CUX1: variants seen among roughly 807,000 people sequenced by gnomAD.
CUX1 encodes the protein cut like homeobox 1, also known as protein CASP.
In CUX1, 31 loss-of-function variants were observed where a neutral mutation model predicts 158.8. The ratio of observed to expected loss-of-function variants is 0.20; its 90% CI spans 0.15 to 0.26. The LOEUF is 0.26. Ranked by LOEUF, CUX1 falls within the 10% of genes least tolerant of loss-of-function variation. The pLI, the probability that CUX1 is intolerant of heterozygous loss-of-function variation, is 1.00. For synonymous variants in CUX1, 879 were observed against 862.1 expected, an observed-to-expected ratio of 1.02 and a Z score of -0.34; for missense variants, 1,589 against 2,014.6, an observed-to-expected ratio of 0.79 and a Z score of 4.04.
chr7:102,248,987 T>C lies in CUX1; in HGVS notation c.4463T>C (p.Ile1488Thr). The part of the protein sequence containing the change: ...KKKAANLNSI[I>T]HRLEKAASRE... ...AAGGCCGCGAACTTGAACAGCATCA[T>C]CCACCGCCTGGAGAAGGCCGCCAGC... The change falls in exon 24 of 24, where the codon ATC becomes ACC. Residue 1488 changes from isoleucine to threonine, a missense_variant. Transcript: ENST00000292535. This position sits in a 1 kb window ranked among gnomAD's most constrained non-coding sequence, Gnocchi z 5.8. 1 of 1,433,626 alleles carries C rather than the reference T, an allele frequency of 7.0e-7. No homozygotes were observed. The highest frequency in any genetic ancestry group is 1.4e-5 in the South Asian group (1 of 73,494). 88.8% of individuals were successfully genotyped at this position (1,433,626 alleles called of 1,614,324 possible).
intron 3 of CUX1, among the ~76,000 whole-genome samples, chr7:102,030,213 TACTG>T (rs1820563387): frequency 6.6e-6 from 1 of 152,132 alleles, no homozygotes; most frequent in Non-Finnish European, 1.5e-5. Flanking sequence ...GGTTTCATCA[TACTG>T]GTCAGGCTGG....
At chr7:102,135,442 AG>A (rs1447569730) in intron 8 of CUX1, among the ~76,000 whole-genome samples, 1 of 151,934 alleles carries the variant, frequency 6.6e-6, no homozygotes, top group African/African-American at 2.4e-5. Flanking sequence ...GTGACAGCGG[AG>A]GAGGACGTGG....
At position 101,820,273 on chromosome 7, in the gene CUX1, C is replaced by T. The variant is rs1002915639; in HGVS notation, c.30+2604C>T. Reference sequence around the variant, plus strand: ...TTTTTAGTGAAATGAAGGAAGGACACGTTTGTTAGGGGAAAACTCATACAT... The same window carrying T: ...TTTTTAGTGAAATGAAGGAAGGACATGTTTGTTAGGGGAAAACTCATACAT... On this transcript the variant is annotated intron_variant, in intron 1 of 23. Transcript: ENST00000292535. Among the ~76,000 whole-genome samples, 3 of 152,126 alleles carry T rather than the reference C, an allele frequency of 2.0e-5. No homozygotes were observed. In the South Asian group the frequency reaches 6.2e-4, roughly 32 times the overall value.
At chr7:102,150,535 T>C (rs1320406412) in intron 8 of CUX1, among the ~76,000 whole-genome samples, 1 of 149,612 alleles carries the variant, frequency 6.7e-6, no homozygotes, top group East Asian at 1.9e-4. Context: ...CCAACTGCCT[T>C]GTAGATATAC....
chr7:102,266,637 G>C lies in CUX1; in HGVS notation c.1256-6729G>C, dbSNP rs545868202. On this transcript the variant is annotated intron_variant, in intron 14 of 22. Transcript: ENST00000292538. ...CTGTGCAGCAGCGGCAAGAAGCTTA[G>C]CAGGGAGGGCAAGGACCAGTCAAGG... 2.4e-3 allele frequency among the ~76,000 whole-genome samples: 358 copies of C among 152,270 alleles called. 3 individuals are homozygous for C. The highest frequency in any genetic ancestry group is 8.0e-3 in the African/African-American group (332 of 41,550).
At chr7:101,860,725 T>C (rs1797347350) in intron 1 of CUX1, among the ~76,000 whole-genome samples, 1 of 130,304 alleles carries the variant, frequency 7.7e-6, no homozygotes, top group South Asian at 2.5e-4. Context: ...CTCTTTTATC[T>C]CCCCTTCCTC....
Position 101,913,489 on chromosome 7 carries a change from G to T in CUX1, c.31-2626G>T, listed in dbSNP as rs890281307. ...CTGTTTCAGTTTCCTCCTCCACCAG[G>T]CAGGCTCTCTGACAGATCAGCCCAG... On this transcript the variant is annotated intron_variant, in intron 1 of 23. Transcript: ENST00000292535. 9.3e-6 allele frequency: 10 copies of T among 1,076,394 alleles called. No homozygotes were observed. In the African/African-American group the frequency reaches 1.3e-4, roughly 14 times the overall value. The allele number at this position is 1,076,394 out of a possible 1,614,324, so 66.7% of individuals were successfully genotyped here.
Position 102,256,259 on chromosome 7 carries a change from C to G in CUX1, c.*7217C>G. On this transcript the variant is annotated 3_prime_UTR_variant, in exon 24 of 24. Coordinates refer to ENST00000292535, the MANE Select transcript of CUX1 (RefSeq NM_181552.4). The stretch of plus-strand genomic sequence containing the variant: ...ATCTTGTCTTGTTGAAATGGACTGA[C>G]TGCTACTGACCTGCCGGCGTGCGTG... 1 of 985,432 alleles carries G rather than the reference C, an allele frequency of 1.0e-6. No homozygotes were observed. The highest frequency in any genetic ancestry group is 1.2e-6 in the Non-Finnish European group (1 of 829,940). The allele number at this position is 985,432 out of a possible 1,614,324, so 61.0% of individuals were successfully genotyped here.
intron 2 of CUX1, among the ~76,000 whole-genome samples, chr7:101,925,439 C>T (rs554914865): frequency 6.6e-6 from 1 of 152,148 alleles, no homozygotes; most frequent in East Asian, 1.9e-4. Context: ...AGATAGAAAC[C>T]CCCAGGGGTG....
At position 101,972,261 on chromosome 7, in the gene CUX1, C is replaced by T. The variant is rs542287899; in HGVS notation, c.142-55837C>T. On this transcript the variant is annotated intron_variant, in intron 2 of 23. Transcript: ENST00000292535. Reference sequence around the variant, plus strand: ...GATTACAGGCGTGAGCCACCGTGCCCGGGCCAGATCAACTGATGTTTTGAG... The same window carrying T: ...GATTACAGGCGTGAGCCACCGTGCCTGGGCCAGATCAACTGATGTTTTGAG... Among the ~76,000 whole-genome samples the T allele has an allele frequency of 2.6e-5, 4 of 152,312 alleles. No individual in the cohort carries two copies. In the East Asian group the frequency reaches 7.7e-4, roughly 29 times the overall value.
intron 13 of CUX1, among the ~76,000 whole-genome samples, 158 bp from the exon 14 acceptor site, chr7:102,195,349 T>C (rs1296686634): frequency 2.0e-5 from 3 of 152,224 alleles, no homozygotes; most frequent in East Asian, 3.9e-4. Flanking sequence ...GTTAAACGAC[T>C]TGGGGGGAAA....
intron 3 of CUX1, among the ~76,000 whole-genome samples, chr7:102,053,820 T>A (rs1823815418): frequency 6.7e-6 from 1 of 149,536 alleles, no homozygotes; most frequent in Non-Finnish European, 1.5e-5. Context: ...TTTTTTTTTT[T>A]TTTTGAGACA....
At chr7:102,259,004 T>G (rs537464089), downstream of CUX1, among the ~76,000 whole-genome samples, 1 of 152,316 alleles carries the variant, frequency 6.6e-6, no homozygotes, top group East Asian at 1.9e-4. Flanking sequence ...AAGAGCTGTC[T>G]GCCAGGCCGA....
intron 8 of CUX1, among the ~76,000 whole-genome samples, chr7:102,146,745 A>G (rs1409381143): frequency 6.6e-6 from 1 of 151,900 alleles, no homozygotes; most frequent in Non-Finnish European, 1.5e-5. Flanking sequence ...TTACAGGCGC[A>G]CGCCACCACA....
In CUX1 at chr7:102,250,326, T is replaced by C. The variant is rs1801360836; in HGVS notation, c.*1284T>C. ...AGGGCCAGACGGGCCCATCCCCAAG[T>C]AGATAGCAGTCTACGGATCTCTCTC... On this transcript the variant is annotated 3_prime_UTR_variant, in exon 24 of 24. Transcript: ENST00000292535. 7.1e-6 allele frequency: 7 copies of C among 985,294 alleles called. No homozygotes were observed. The highest frequency in any genetic ancestry group is 8.4e-6 in the Non-Finnish European group (7 of 829,972). 61.0% of individuals were successfully genotyped at this position (985,294 alleles called of 1,614,324 possible). A position where few individuals can be genotyped will look rare whatever the true frequency, so the allele number is the denominator to read the frequency against.
chr7:102,253,445 G>T lies in CUX1; in HGVS notation c.*4403G>T, dbSNP rs2529114. ...AGTCCCCAGGTGAGCTCTCTGACGG[G>T]CAGGTGCCTTCCCGACTAAGGTTGG... is the stretch of plus-strand genomic sequence containing the variant. On this transcript the variant is annotated 3_prime_UTR_variant, in exon 24 of 24. Coordinates refer to ENST00000292535, the MANE Select transcript of CUX1 (RefSeq NM_181552.4). 540,101 of 985,256 alleles carry T rather than the reference G, an allele frequency of 0.55. 150,376 individuals carry two copies. Among genetic ancestry groups the T allele is most frequent in the East Asian group, 0.89 (7,870 of 8,820 alleles). 61.0% of individuals were successfully genotyped at this position (985,256 alleles called of 1,614,324 possible).
At chr7:101,844,501 A>C (rs1795487643) in intron 1 of CUX1, among the ~76,000 whole-genome samples, 1 of 152,178 alleles carries the variant, frequency 6.6e-6, no homozygotes, top group Admixed American at 6.5e-5. Context: ...ACAGAGAGTC[A>C]CGGTTGAGAA....
At chr7:101,882,776 C>T (rs1394753844) in intron 1 of CUX1, among the ~76,000 whole-genome samples, 3 of 152,256 alleles carry the variant, frequency 2.0e-5, no homozygotes, top group South Asian at 2.1e-4. Flanking sequence ...TCTCTGTGGG[C>T]GTGGGATGGA....
rs1789937427 is a variant in CUX1, at chr7:102,256,772, CAG to C, written c.*7735_*7736del. 2.0e-6 allele frequency: 2 copies of C among 985,302 alleles called. No homozygotes were observed. The highest frequency in any genetic ancestry group is 6.2e-5 in the Admixed American group (1 of 16,258). 61.0% of individuals were successfully genotyped at this position (985,302 alleles called of 1,614,324 possible). On this transcript the variant is annotated 3_prime_UTR_variant, in exon 24 of 24. Transcript: ENST00000292535. ...TCATGAAGTTTCGGCGAGCCGTGGTCAGAGAGGGCGCGGTGGCCTGGCCAAGA... is the reference window on the plus strand; with the variant it reads ...TCATGAAGTTTCGGCGAGCCGTGGTCAGAGGGCGCGGTGGCCTGGCCAAGA...
Sources: gnomAD v4.1 joint callset for allele counts (sites outside exome capture counted in the v4.1 genomes callset) on GRCh38, gnomAD v4.1.1 for gene constraint, Gnocchi (gnomAD v3.1) non-coding constraint, MANE v1.5 for transcripts, NCBI Gene and HGNC (gene_info 2026-07-23, HGNC 2026-07-21) for gene names.